MYO16: variants seen among roughly 807,000 people sequenced by gnomAD.
The protein encoded by MYO16 is myosin XVI.
In MYO16, 94 loss-of-function variants were observed where a neutral mutation model predicts 205.3. The observed-to-expected ratio is 0.46, with a 90% confidence interval of 0.39 to 0.54. MYO16 has a LOEUF of 0.54. Ranked by LOEUF, MYO16 falls within the 20% of genes least tolerant of loss-of-function variation. The pLI is 0.00. For missense variants in MYO16, 2,315 were observed against 2,387.5 expected (o/e 0.97, Z 0.63); for synonymous variants, 988 against 954.0 (o/e 1.04, Z -0.66).
chr13:108,798,281 TG>T (rs1886851780), intron 6 of MYO16, among the ~76,000 whole-genome samples: 1 of 152,236 alleles, frequency 6.6e-6, no homozygotes, highest in East Asian at 1.9e-4. Context: ...ATGCCAGTTG[TG>T]GTTCAAAATT....
At chr13:108,648,814 C>A (rs1287747819) in intron 1 of MYO16, among the ~76,000 whole-genome samples, 1 of 151,946 alleles carries the variant, frequency 6.6e-6, no homozygotes, top group Non-Finnish European at 1.5e-5. Flanking sequence ...TGGAAAATGG[C>A]CCTTATACTC....
chr13:108,875,866 C>T (rs534632408), intron 12 of MYO16, among the ~76,000 whole-genome samples: 4 of 151,712 alleles, frequency 2.6e-5, no homozygotes, highest in Non-Finnish European at 4.4e-5. Context: ...TGAGCGAGAC[C>T]CTGTCTCAAA....
intron 23 of MYO16, among the ~76,000 whole-genome samples, chr13:109,037,331 A>G (rs1460061236): frequency 6.6e-6 from 1 of 152,124 alleles, no homozygotes; most frequent in African/African-American, 2.4e-5. Flanking sequence ...GATGAGTTTA[A>G]TGGGCTCTCC....
At chr13:108,703,206 T>A (rs1265239430) in intron 2 of MYO16, among the ~76,000 whole-genome samples, 1 of 152,118 alleles carries the variant, frequency 6.6e-6, no homozygotes, top group African/African-American at 2.4e-5. Flanking sequence ...AGACACAAAT[T>A]TGTTGAAAGT....
At chr13:109,085,320 T>A (rs1344745668) in intron 27 of MYO16, among the ~76,000 whole-genome samples, 1 of 152,086 alleles carries the variant, frequency 6.6e-6, no homozygotes, top group Non-Finnish European at 1.5e-5. Context: ...TTAGTTGAAG[T>A]TGTAGAGAGA....
At chr13:109,185,337 C>A (rs72658211) in intron 34 of MYO16, among the ~76,000 whole-genome samples, 21,698 of 151,504 alleles carry the variant, frequency 0.14, 2,040 homozygotes, top group Non-Finnish European at 0.21. Context: ...TTTTGGGGGT[C>A]AATTAGAGAA....
At chr13:109,040,943 T>A (rs150145624) in intron 23 of MYO16, among the ~76,000 whole-genome samples, 69 of 152,250 alleles carry the variant, frequency 4.5e-4, no homozygotes, top group African/African-American at 1.6e-3. Flanking sequence ...ATTGCCTTTG[T>A]GTAAAATCCC....
At chr13:108,733,947 C>T (rs7338039) in intron 4 of MYO16, among the ~76,000 whole-genome samples, 2,071 of 152,050 alleles carry the variant, frequency 0.014, 44 homozygotes, top group African/African-American at 0.048. Flanking sequence ...CCAGCCTGGG[C>T]GACAGAATGA....
chr13:108,714,138 G>C (rs1255245799), intron 3 of MYO16, among the ~76,000 whole-genome samples: 6 of 152,078 alleles, frequency 3.9e-5, no homozygotes, highest in African/African-American at 1.4e-4. Flanking sequence ...CTCACTGCAA[G>C]CTCCGTCTCC....
chr13:108,681,432 C>A (rs1224800027), intron 2 of MYO16, among the ~76,000 whole-genome samples: 3 of 152,156 alleles, frequency 2.0e-5, no homozygotes, highest in African/African-American at 2.4e-5. Flanking sequence ...AGCTCTCATT[C>A]ATTCATTTGT....
intron 2 of MYO16, among the ~76,000 whole-genome samples, chr13:108,675,613 G>A (rs1882169503): frequency 6.6e-6 from 1 of 152,190 alleles, no homozygotes; most frequent in African/African-American, 2.4e-5. Flanking sequence ...TCATTAAAAG[G>A]GAGTTGCTGT....
chr13:108,795,838 A>G (rs1243356113), intron 6 of MYO16, among the ~76,000 whole-genome samples: 2 of 152,214 alleles, frequency 1.3e-5, no homozygotes, highest in Non-Finnish European at 2.9e-5. Flanking sequence ...AAGGGAAAAA[A>G]CAACACAGGG....
intron 9 of MYO16, among the ~76,000 whole-genome samples, chr13:108,825,499 A>T (rs1314599467): frequency 6.6e-6 from 1 of 152,040 alleles, no homozygotes; most frequent in African/African-American, 2.4e-5. Context: ...CCATAAGATG[A>T]GGACAAAGGC....
intron 9 of MYO16, among the ~76,000 whole-genome samples, chr13:108,830,220 G>A (rs1480523562): frequency 1.7e-5 from 2 of 114,512 alleles, no homozygotes; most frequent in East Asian, 4.2e-4. Context: ...CAGGGATCTA[G>A]AACTAGAAAT....
At chr13:108,656,684 A>G (rs542892655) in intron 1 of MYO16, among the ~76,000 whole-genome samples, 1 of 152,340 alleles carries the variant, frequency 6.6e-6, no homozygotes, top group South Asian at 2.1e-4. Flanking sequence ...AAATATTCCA[A>G]CAATTATTTT....
At chr13:109,072,522 G>A (rs1048853567) in intron 27 of MYO16, among the ~76,000 whole-genome samples, 3 of 151,734 alleles carry the variant, frequency 2.0e-5, no homozygotes, top group Admixed American at 1.3e-4. Context: ...ATTTTCCAGG[G>A]AATCCTCTTT....
intron 16 of MYO16, among the ~76,000 whole-genome samples, chr13:108,937,019 G>A (rs146662133): frequency 1.7e-3 from 252 of 152,168 alleles, no homozygotes; most frequent in African/African-American, 5.7e-3. Context: ...CTCCCTTAAG[G>A]GTCTCTTATA....
intron 9 of MYO16, among the ~76,000 whole-genome samples, chr13:108,834,034 G>A (rs554557452): frequency 3.3e-5 from 5 of 152,118 alleles, no homozygotes; most frequent in African/African-American, 1.2e-4. Context: ...TTTGGAAAGT[G>A]CAGAAAAACA....
At chr13:109,170,137 A>G (rs990106506) in intron 33 of MYO16, among the ~76,000 whole-genome samples, 3 of 152,166 alleles carry the variant, frequency 2.0e-5, no homozygotes. Context: ...AAAAGAAAAA[A>G]AAAAACATAA....
Sources: gnomAD v4.1 joint callset for allele counts (sites outside exome capture counted in the v4.1 genomes callset) on GRCh38, gnomAD v4.1.1 for gene constraint, MANE v1.5 for transcripts, NCBI Gene and HGNC (gene_info 2026-07-23, HGNC 2026-07-21) for gene names.